NFASC: variants seen among roughly 807,000 people sequenced by gnomAD.
NFASC encodes the protein neurofascin homolog.
A neutral mutation model predicts 147.5 loss-of-function variants in NFASC; 43 were observed. The ratio of observed to expected loss-of-function variants is 0.29; its 90% CI spans 0.23 to 0.38. NFASC has a LOEUF of 0.38. Among genes scored for constraint, NFASC ranks in the 10% least tolerant of loss-of-function variants. The probability of loss-of-function intolerance (pLI) is 1.00; values close to 1 mark genes in which losing one functional copy is unlikely to be tolerated. For synonymous variants in NFASC, 622 were observed against 665.5 expected, an observed-to-expected ratio of 0.93 and a Z score of 1.01; for missense variants, 1,320 against 1,689.0, an observed-to-expected ratio of 0.78 and a Z score of 3.83.
rs149929922 is a variant in NFASC, at chr1:204,970,846, C to G, written c.1135+99C>G. 4.6e-5 allele frequency: 68 copies of G among 1,488,880 alleles called. No homozygotes were observed. The East Asian group carries it at 1.6e-3, about 34-fold the overall frequency. 92.2% of individuals were successfully genotyped at this position (1,488,880 alleles called of 1,614,324 possible). A position where few individuals can be genotyped will look rare whatever the true frequency, so the allele number is the denominator to read the frequency against. On this transcript the variant is annotated intron_variant, in intron 11 of 29. Coordinates refer to ENST00000339876, the MANE Select transcript of NFASC (RefSeq NM_001005388.3). ...GCCAGTGCTGGTCACACTAGAAGTT[C>G]AGGAAGAGAGAAGCCCACTGGTGGC...
intron 1 of NFASC, among the ~76,000 whole-genome samples, chr1:204,883,053 AG>A (rs2080593110): frequency 2.0e-5 from 3 of 151,986 alleles, no homozygotes; most frequent in Admixed American, 2.0e-4. Context: ...GGCTAGAGGT[AG>A]GGTGTGTTGG....
At chr1:204,900,882 G>T (rs750160384) in intron 1 of NFASC, among the ~76,000 whole-genome samples, 14 of 151,974 alleles carry the variant, frequency 9.2e-5, no homozygotes, top group Non-Finnish European at 1.6e-4. Flanking sequence ...TTGCTATGTT[G>T]TCCAGGCTGG....
chr1:205,001,303 G>A lies in NFASC; in HGVS notation c.3136+17G>A, dbSNP rs766269203. Reference sequence around the variant, plus strand: ...ACATCGACAGTAAGCATTGCTGTGCGGGGTGGTGGTGGCGGCAGCGGCGTC... The same window carrying A: ...ACATCGACAGTAAGCATTGCTGTGCAGGGTGGTGGTGGCGGCAGCGGCGTC... On this transcript the variant is annotated intron_variant, in intron 26 of 29. Coordinates refer to ENST00000339876, the MANE Select transcript of NFASC (RefSeq NM_001005388.3). 43 of 1,539,156 alleles carry A rather than the reference G, an allele frequency of 2.8e-5. No homozygotes were observed. Among genetic ancestry groups the A allele is most frequent in the Middle Eastern group, 3.5e-4 (2 of 5,654 alleles).
At chr1:204,891,744 T>A (rs1490903994) in intron 1 of NFASC, among the ~76,000 whole-genome samples, 1 of 152,160 alleles carries the variant, frequency 6.6e-6, no homozygotes, top group Non-Finnish European at 1.5e-5. Flanking sequence ...AGTAGGTTGG[T>A]CCAGGAAACA....
chr1:205,013,179 T>C lies in NFASC; in HGVS notation c.3491+313T>C, dbSNP rs183288141. Reference sequence around the variant, plus strand: ...CACAACTCAAATGTATCAAGCTTGCTATGTATGTCTTTCCACCTTTTCACT... The same window carrying C: ...CACAACTCAAATGTATCAAGCTTGCCATGTATGTCTTTCCACCTTTTCACT... On this transcript the variant is annotated intron_variant, in intron 29 of 29. Transcript: ENST00000339876. Among the ~76,000 whole-genome samples the C allele has an allele frequency of 6.2e-4, 94 of 152,362 alleles. 3 individuals are homozygous for C. Among genetic ancestry groups the C allele is most frequent in the Non-Finnish European group, 5.9e-5 (4 of 68,036 alleles).
intron 2 of NFASC, among the ~76,000 whole-genome samples, chr1:204,924,956 A>G (rs576061691): frequency 9.2e-5 from 14 of 152,278 alleles, no homozygotes; most frequent in South Asian, 2.1e-4. Flanking sequence ...GCTCACTGCA[A>G]TCTTCACCTC....
chr1:204,954,287 T>G lies in NFASC; in HGVS notation c.315T>G (p.Ser105Arg). ...RSGTLVIDFR[S>R]GGRPEEYEGE... The stretch of plus-strand genomic sequence containing the variant: ...GGACCCTGGTGATTGACTTCCGCAG[T>G]GGCGGGCGGCCGGAGGAATATGAGG... Residue 105 changes from serine (S) to arginine (R), a missense_variant, in exon 6 of 30, where the codon AGT becomes AGG. By Grantham distance (110) the Ser-to-Arg change is moderately radical. Transcript: ENST00000339876. This position sits in a 1 kb window ranked among gnomAD's most constrained non-coding sequence, Gnocchi z 5.7. 1 of 1,614,192 alleles carries G rather than the reference T, an allele frequency of 6.2e-7. No homozygotes were observed. Among genetic ancestry groups the G allele is most frequent in the Non-Finnish European group, 8.5e-7 (1 of 1,180,028 alleles).
At position 204,848,066 on chromosome 1, in the gene NFASC, C is replaced by T. The variant is rs113747542; in HGVS notation, c.-200+19284C>T. ...GAAACAGTGATAATTCCCCCATTTC[C>T]CAGCAGGAAACACTGAGACTTAGAA... is the stretch of plus-strand genomic sequence containing the variant. On this transcript the variant is annotated intron_variant, in intron 1 of 29. Coordinates refer to ENST00000339876, the MANE Select transcript of NFASC (RefSeq NM_001005388.3). Among the ~76,000 whole-genome samples the T allele has an allele frequency of 7.7e-3, 1,178 of 152,224 alleles. 16 individuals carry two copies. The highest frequency in any genetic ancestry group is 0.027 in the African/African-American group (1,119 of 41,528).
intron 1 of NFASC, among the ~76,000 whole-genome samples, chr1:204,887,071 G>A (rs956362037): frequency 2.6e-5 from 4 of 152,098 alleles, no homozygotes; most frequent in Non-Finnish European, 5.9e-5. Flanking sequence ...GTTGCTGTGT[G>A]CATCTACATT....
Position 204,974,745 on chromosome 1 carries a change from G to A in NFASC, c.1480G>A (p.Glu494Lys). 6.2e-7 allele frequency: 1 copy of A among 1,614,220 alleles called. No individual in the cohort carries two copies. The highest frequency in any genetic ancestry group is 8.5e-7 in the Non-Finnish European group (1 of 1,180,038). ...TCTGGAAATTAAGATGATCCGCAAAGAGGACCAGGGCATCTACACCTGTGT... is the reference window on the plus strand; with the variant it reads ...TCTGGAAATTAAGATGATCCGCAAAAAGGACCAGGGCATCTACACCTGTGT... ...GSLEIKMIRK[E>K]DQGIYTCVAT... is the part of the protein sequence containing the mutation. The change falls in exon 14 of 30, where the codon GAG becomes AAG. Residue 494 changes from glutamate (E) to lysine (K), a missense_variant. Transcript: ENST00000339876.
rs2802810 is a variant in NFASC at position 205,000,839 on chromosome 1, A to T, written c.3020-331A>T. ...AATACTCCATCTCAAAAAAAAAAAAACAGAAAACAAAAAAACTCTTTCATT... is the reference window on the plus strand; with the variant it reads ...AATACTCCATCTCAAAAAAAAAAAATCAGAAAACAAAAAAACTCTTTCATT... On this transcript the variant is annotated intron_variant, in intron 25 of 29. Transcript: ENST00000339876. 2.1e-5 allele frequency: 7 copies of T among 326,574 alleles called. No homozygotes were observed. The Admixed American group carries it at 2.3e-4, about 11-fold the overall frequency. 20.2% of individuals were successfully genotyped at this position (326,574 alleles called of 1,614,324 possible). A position where few individuals can be genotyped will look rare whatever the true frequency, so the allele number is the denominator to read the frequency against.
At chr1:204,890,322 C>G (rs775880559) in intron 1 of NFASC, among the ~76,000 whole-genome samples, 2 of 152,122 alleles carry the variant, frequency 1.3e-5, no homozygotes, top group Non-Finnish European at 2.9e-5. Flanking sequence ...TGCCCAGAGC[C>G]CCCATGTGAT....
chr1:204,940,178 C>A (rs922079211), intron 2 of NFASC, among the ~76,000 whole-genome samples: 2 of 152,166 alleles, frequency 1.3e-5, no homozygotes, highest in Non-Finnish European at 2.9e-5. Context: ...CAAAGCCGGG[C>A]GCGATGGCTC....
chr1:204,990,430 C>T (rs72753439), intron 23 of NFASC: 14,505 of 152,006 alleles, frequency 0.095, 1,031 homozygotes, highest in African/African-American at 0.2. Context: ...GATAACAAAG[C>T]CCTATTGTCC....
In NFASC at chr1:204,968,185, G is replaced by T; in HGVS notation, c.707-64G>T. The T allele has an allele frequency of 8.5e-7, 1 of 1,180,212 alleles. No individual in the cohort carries two copies. Among genetic ancestry groups the T allele is most frequent in the South Asian group, 1.2e-5 (1 of 81,342 alleles). 73.1% of individuals were successfully genotyped at this position (1,180,212 alleles called of 1,614,324 possible). A position where few individuals can be genotyped will look rare whatever the true frequency, so the allele number is the denominator to read the frequency against. On this transcript the variant is annotated intron_variant, in intron 8 of 29. Transcript: ENST00000339876. The surrounding 1 kb of genome is among the most constrained non-coding windows in gnomAD (Gnocchi z 5.4). Reference sequence around the variant, plus strand: ...TGCCACTTCTCTCTAGCCTGACAGCGTTGGCCTAGTGGGGTCTGCCTTCTG... The same window carrying T: ...TGCCACTTCTCTCTAGCCTGACAGCTTTGGCCTAGTGGGGTCTGCCTTCTG...
intron 29 of NFASC, among the ~76,000 whole-genome samples, chr1:205,013,978 A>C (rs2096298058): frequency 6.6e-6 from 1 of 152,196 alleles, no homozygotes; most frequent in Non-Finnish European, 1.5e-5. Context: ...AAGGGCAGGC[A>C]CAAGAGCCCC....
intron 1 of NFASC, among the ~76,000 whole-genome samples, chr1:204,912,899 G>T (rs201746565): frequency 6.6e-6 from 1 of 151,744 alleles, no homozygotes; most frequent in Admixed American, 6.6e-5. Flanking sequence ...GTGGTGGCAC[G>T]TGCCTATAAT....
At chr1:204,944,157 C>G in intron 2 of NFASC, 69 bp from the exon 3 acceptor site, 1 of 1,410,698 alleles carries the variant, frequency 7.1e-7, no homozygotes, top group South Asian at 1.2e-5. Context: ...CCTCCAAAGC[C>G]CTGTAGGATT....
At position 204,997,501 on chromosome 1, in the gene NFASC, G is replaced by C. The variant is rs1574322059; in HGVS notation, c.3019+95G>C. 1.1e-5 allele frequency: 16 copies of C among 1,406,124 alleles called. No homozygotes were observed. In the East Asian group the frequency reaches 4.0e-4, roughly 35 times the overall value. The allele number at this position is 1,406,124 out of a possible 1,614,324, so 87.1% of individuals were successfully genotyped here. A position where few individuals can be genotyped will look rare whatever the true frequency, so the allele number is the denominator to read the frequency against. On this transcript the variant is annotated intron_variant, in intron 25 of 29. Coordinates refer to ENST00000339876, the MANE Select transcript of NFASC (RefSeq NM_001005388.3). ...CAGGCTCCCCCAGCGAGGAGGTGGG[G>C]TCTGGGGTGGTGTTTGCCACCACCT...
Sources: allele counts gnomAD v4.1 joint callset (sites outside exome capture counted in the v4.1 genomes callset), GRCh38; gene constraint gnomAD v4.1.1; non-coding constraint Gnocchi (gnomAD v3.1); transcripts MANE v1.5; gene names NCBI Gene and HGNC (gene_info 2026-07-23, HGNC 2026-07-21).